RELN: variants seen among roughly 807,000 people sequenced by gnomAD.
RELN encodes reelin.
Under a neutral mutation model 427.6 loss-of-function variants are expected in RELN, and 108 were observed. The observed-to-expected ratio is 0.25, with a 90% CI of 0.22 to 0.30. The LOEUF (loss-of-function observed/expected upper bound fraction) is 0.30, where lower values mean the gene tolerates loss of function less well. RELN is among the 10% of genes least tolerant of loss of function. The pLI is 1.00. For missense variants in RELN, 3,715 were observed against 4,302.8 expected, an observed-to-expected ratio of 0.86 and a Z score of 3.82; for synonymous variants, 1,524 against 1,513.4, an observed-to-expected ratio of 1.01 and a Z score of -0.16.
intron 1 of RELN, among the ~76,000 whole-genome samples, chr7:103,982,115 GA>G (rs1310233337): frequency 1.3e-5 from 2 of 152,014 alleles, no homozygotes; most frequent in African/African-American, 4.8e-5. Context: ...ACAGTGAGCC[GA>G]AAAGGTGTCA....
chr7:103,750,430 C>T (rs1227039955), intron 5 of RELN, among the ~76,000 whole-genome samples: 1 of 152,166 alleles, frequency 6.6e-6, no homozygotes, highest in South Asian at 2.1e-4. Context: ...GTCAATTAAA[C>T]CTCTTTCTTT....
At chr7:103,873,118 T>G (rs36181811) in intron 2 of RELN, among the ~76,000 whole-genome samples, 1 of 150,522 alleles carries the variant, frequency 6.6e-6, no homozygotes, top group African/African-American at 2.4e-5. Context: ...GGGTACATAA[T>G]GAAATGAAGG....
At chr7:103,673,776 G>GA (rs991842499) in intron 11 of RELN, among the ~76,000 whole-genome samples, 104 of 152,178 alleles carry the variant, frequency 6.8e-4, no homozygotes, top group African/African-American at 2.4e-3. Context: ...TGCTACCAAG[G>GA]AAAGTACAAT....
chr7:103,569,897 C>T lies in RELN; in HGVS notation c.4588+2287G>A, dbSNP rs1442179477. ...AAACATTTCTCTTTTTAAACAGCAG[C>T]TCCATCTGCGTTATGCCCAGTCTTA... On this transcript the variant is annotated intron_variant, in intron 31 of 64. Coordinates refer to ENST00000428762, the MANE Select transcript of RELN (RefSeq NM_005045.4). This position sits in a 1 kb window ranked among gnomAD's most constrained non-coding sequence, Gnocchi z 4.0. Among the ~76,000 whole-genome samples the T allele has an allele frequency of 2.2e-4, 33 of 152,194 alleles. No individual in the cohort carries two copies. The highest frequency in any genetic ancestry group is 2.2e-3 in the Admixed American group (33 of 15,284).
intron 46 of RELN, among the ~76,000 whole-genome samples, chr7:103,527,027 T>A (rs1584265727): frequency 1.3e-5 from 2 of 152,210 alleles, no homozygotes; most frequent in East Asian, 3.8e-4. Context: ...ACATCAGTTT[T>A]GTTTAATAGA....
chr7:103,677,540 C>T (rs923517303), intron 11 of RELN, among the ~76,000 whole-genome samples: 2 of 148,722 alleles, frequency 1.3e-5, no homozygotes, highest in African/African-American at 4.9e-5. Flanking sequence ...CCAAGGCGGG[C>T]AGATCACTTG....
At chr7:103,698,926 T>C (rs1261455393) in intron 9 of RELN, among the ~76,000 whole-genome samples, 2 of 152,158 alleles carry the variant, frequency 1.3e-5, no homozygotes, top group Non-Finnish European at 2.9e-5. Flanking sequence ...ACTAACCAGA[T>C]GTTTTCATAT....
intron 42 of RELN, among the ~76,000 whole-genome samples, chr7:103,544,479 C>T (rs962562061): frequency 4.6e-5 from 7 of 151,920 alleles, no homozygotes; most frequent in African/African-American, 1.7e-4. Context: ...CCTGCCTCAG[C>T]CTCCCAAGGT....
At chr7:103,812,458 T>C (rs1792767006) in intron 3 of RELN, among the ~76,000 whole-genome samples, 1 of 152,166 alleles carries the variant, frequency 6.6e-6, no homozygotes, top group South Asian at 2.1e-4. Flanking sequence ...CAATGGGCAA[T>C]TGAATGGAAA....
At chr7:103,827,784 G>A (rs1793178998) in intron 3 of RELN, among the ~76,000 whole-genome samples, 1 of 151,820 alleles carries the variant, frequency 6.6e-6, no homozygotes, top group Non-Finnish European at 1.5e-5. Flanking sequence ...GGAGATGCCT[G>A]CTTAAAAACA....
intron 28 of RELN, among the ~76,000 whole-genome samples, chr7:103,584,351 A>T (rs1831221748): frequency 6.6e-6 from 1 of 152,226 alleles, no homozygotes; most frequent in Non-Finnish European, 1.5e-5. Flanking sequence ...CTACAGACTC[A>T]ACATAAAGGG....
At chr7:103,844,145 AG>A (rs1207001213) in intron 2 of RELN, among the ~76,000 whole-genome samples, 1 of 152,228 alleles carries the variant, frequency 6.6e-6, no homozygotes, top group African/African-American at 2.4e-5. Flanking sequence ...AAAAAGGAAG[AG>A]GCTTTACAGA....
chr7:103,555,764 C>A (rs140653702), intron 38 of RELN, among the ~76,000 whole-genome samples: 1 of 152,134 alleles, frequency 6.6e-6, no homozygotes, highest in Non-Finnish European at 1.5e-5. Flanking sequence ...TGAGCCACTG[C>A]GCCTGGCACA....
At chr7:103,687,279 T>C (rs1163594441) in intron 10 of RELN, among the ~76,000 whole-genome samples, 1 of 152,184 alleles carries the variant, frequency 6.6e-6, no homozygotes, top group African/African-American at 2.4e-5. Context: ...TTTCACAGTG[T>C]TGGAGGCTTT....
At chr7:103,666,235 A>C (rs893812704) in intron 11 of RELN, among the ~76,000 whole-genome samples, 11 of 151,656 alleles carry the variant, frequency 7.3e-5, no homozygotes, top group Non-Finnish European at 1.3e-4. Flanking sequence ...TGCCCAGGTA[A>C]TTTTTGTATT....
At chr7:103,928,478 T>G (rs996940935) in intron 1 of RELN, among the ~76,000 whole-genome samples, 1 of 152,206 alleles carries the variant, frequency 6.6e-6, no homozygotes, top group African/African-American at 2.4e-5. Flanking sequence ...TCTAGGTGGA[T>G]TCTGTGTGAG....
chr7:103,590,628 A>T (rs1327023492), intron 27 of RELN, among the ~76,000 whole-genome samples: 7 of 152,082 alleles, frequency 4.6e-5, no homozygotes, highest in Admixed American at 3.9e-4. Flanking sequence ...GTCAACTTAG[A>T]TGAAACAGCT....
chr7:103,609,748 A>G (rs1454850241), intron 22 of RELN, among the ~76,000 whole-genome samples: 1 of 152,218 alleles, frequency 6.6e-6, no homozygotes. Flanking sequence ...TAACTTTTAT[A>G]TAAAATAATC....
intron 5 of RELN, among the ~76,000 whole-genome samples, chr7:103,751,971 A>G (rs649310): frequency 0.65 from 98,207 of 152,096 alleles, 32,604 homozygotes; most frequent in African/African-American, 0.81. Flanking sequence ...TTTAAAATAA[A>G]TCTTCACTGA....
Sources: gnomAD v4.1 joint callset for allele counts (sites outside exome capture counted in the v4.1 genomes callset) on GRCh38, gnomAD v4.1.1 for gene constraint, Gnocchi (gnomAD v3.1) non-coding constraint, MANE v1.5 for transcripts, NCBI Gene and HGNC (gene_info 2026-07-23, HGNC 2026-07-21) for gene names.